HS6ST3: variants seen among roughly 807,000 people sequenced by gnomAD.
HS6ST3 encodes the protein heparan sulfate 6-O-sulfotransferase 3.
A neutral mutation model predicts 36.7 loss-of-function variants in HS6ST3; 12 were observed. That is an observed-to-expected ratio of 0.33 (90% CI 0.21 to 0.53). The LOEUF is 0.53. Among genes scored for constraint, HS6ST3 ranks in the 20% least tolerant of loss-of-function variants. HS6ST3 has a pLI of 0.95. For synonymous variants in HS6ST3, 240 were observed against 257.5 expected, an observed-to-expected ratio of 0.93 and a Z score of 0.65; for missense variants, 584 against 640.9, an observed-to-expected ratio of 0.91 and a Z score of 0.96.
At chr13:96,153,738 A>G (rs1425860390) in intron 1 of HS6ST3, among the ~76,000 whole-genome samples, 1 of 152,260 alleles carries the variant, frequency 6.6e-6, no homozygotes, top group Non-Finnish European at 1.5e-5. Context: ...TAAATTACAT[A>G]GGCTAAACTT....
At chr13:96,395,536 A>G (rs1566348446) in intron 1 of HS6ST3, among the ~76,000 whole-genome samples, 1 of 152,166 alleles carries the variant, frequency 6.6e-6, no homozygotes, top group South Asian at 2.1e-4. Flanking sequence ...GCCTACCAGC[A>G]CATTCAGAGA....
chr13:96,580,204 A>G (rs1297781923), intron 1 of HS6ST3, among the ~76,000 whole-genome samples: 1 of 22,580 alleles, frequency 4.4e-5, no homozygotes, highest in African/African-American at 2.1e-4. Context: ...ATATATATAT[A>G]TATATATATA....
intron 1 of HS6ST3, among the ~76,000 whole-genome samples, chr13:96,752,162 G>A (rs550164131): frequency 4.6e-5 from 7 of 151,808 alleles, no homozygotes; most frequent in Admixed American, 2.0e-4. Context: ...ATCACAATCC[G>A]TGTAGTCATT....
intron 1 of HS6ST3, among the ~76,000 whole-genome samples, chr13:96,234,016 T>C (rs1157349875): frequency 6.6e-6 from 1 of 151,616 alleles, no homozygotes; most frequent in African/African-American, 2.4e-5. Context: ...GGACACACCA[T>C]AGCACATCAA....
At chr13:96,585,037 C>T (rs2056355489) in intron 1 of HS6ST3, among the ~76,000 whole-genome samples, 1 of 152,138 alleles carries the variant, frequency 6.6e-6, no homozygotes, top group African/African-American at 2.4e-5. Flanking sequence ...AGTGGGGTAA[C>T]TGTATCAATG....
chr13:96,604,108 A>G (rs1167081610), intron 1 of HS6ST3, among the ~76,000 whole-genome samples: 1 of 152,176 alleles, frequency 6.6e-6, no homozygotes, highest in Admixed American at 6.5e-5. Flanking sequence ...ATATAGGAGC[A>G]GTTCTGGCTG....
chr13:96,835,339 T>C lies in HS6ST3; in HGVS notation c.*2141T>C, dbSNP rs1009010293. ...ATGAGCTGAGAGATCAATGACTTTT[T>C]AGGCAGCTGTGTTTTTTAAGCCATA... On this transcript the variant is annotated 3_prime_UTR_variant, in exon 2 of 2. Transcript: ENST00000376705. 2 of 152,246 alleles carry C rather than the reference T, an allele frequency of 1.3e-5. No homozygotes were observed. The highest frequency in any genetic ancestry group is 4.8e-5 in the African/African-American group (2 of 41,426). The allele number at this position is 152,246 out of a possible 1,614,324, so 9.4% of individuals were successfully genotyped here. A position where few individuals can be genotyped will look rare whatever the true frequency, so the allele number is the denominator to read the frequency against.
At chr13:96,529,694 G>T (rs965526171) in intron 1 of HS6ST3, among the ~76,000 whole-genome samples, 3 of 151,968 alleles carry the variant, frequency 2.0e-5, no homozygotes, top group Non-Finnish European at 4.4e-5. Context: ...ATTCATTTAT[G>T]ATTTTTGCTT....
chr13:96,187,450 A>G (rs2054269840), intron 1 of HS6ST3, among the ~76,000 whole-genome samples: 2 of 152,212 alleles, frequency 1.3e-5, no homozygotes, highest in South Asian at 2.1e-4. Flanking sequence ...GACTTAGAAT[A>G]TGAAGCAGTT....
chr13:96,724,985 A>G (rs1337033907), intron 1 of HS6ST3, among the ~76,000 whole-genome samples: 1 of 152,206 alleles, frequency 6.6e-6, no homozygotes, highest in Non-Finnish European at 1.5e-5. Flanking sequence ...TATTCCAACC[A>G]GCAGCATATG....
At chr13:96,324,187 T>G (rs911227747) in intron 1 of HS6ST3, among the ~76,000 whole-genome samples, 1 of 152,176 alleles carries the variant, frequency 6.6e-6, no homozygotes, top group Non-Finnish European at 1.5e-5. Flanking sequence ...TACAGAAAAC[T>G]CCTTTAAACA....
intron 1 of HS6ST3, among the ~76,000 whole-genome samples, chr13:96,814,347 A>C (rs1321062810): frequency 6.6e-6 from 1 of 152,200 alleles, no homozygotes; most frequent in Non-Finnish European, 1.5e-5. Context: ...CAAAAATTTG[A>C]AGCTACTGAT....
At chr13:96,222,040 G>T (rs957358259) in intron 1 of HS6ST3, among the ~76,000 whole-genome samples, 2 of 152,164 alleles carry the variant, frequency 1.3e-5, no homozygotes, top group African/African-American at 4.8e-5. Context: ...TTTAAAAAGT[G>T]TTCCAATTTT....
intron 1 of HS6ST3, among the ~76,000 whole-genome samples, chr13:96,326,481 T>C (rs1047052863): frequency 3.3e-5 from 5 of 152,026 alleles, no homozygotes; most frequent in African/African-American, 1.2e-4. Context: ...CCCAGCTTCA[T>C]CCATGTCCCT....
At chr13:96,470,653 AT>A (rs1241476554) in intron 1 of HS6ST3, among the ~76,000 whole-genome samples, 1 of 152,014 alleles carries the variant, frequency 6.6e-6, no homozygotes, top group Non-Finnish European at 1.5e-5. Context: ...GTCTACGTTT[AT>A]TTCTGTTTTC....
chr13:96,744,830 T>C (rs573158536), intron 1 of HS6ST3, among the ~76,000 whole-genome samples: 2 of 152,176 alleles, frequency 1.3e-5, no homozygotes, highest in African/African-American at 4.8e-5. Context: ...AATTTTAAAA[T>C]GGGCAAAGAG....
At chr13:96,365,698 T>C (rs1002753887) in intron 1 of HS6ST3, among the ~76,000 whole-genome samples, 2 of 152,164 alleles carry the variant, frequency 1.3e-5, no homozygotes, top group Non-Finnish European at 2.9e-5. Context: ...ACTATCTAAA[T>C]AGAAAGATTA....
At chr13:96,242,883 C>G (rs544854492) in intron 1 of HS6ST3, among the ~76,000 whole-genome samples, 1 of 152,254 alleles carries the variant, frequency 6.6e-6, no homozygotes, top group East Asian at 1.9e-4. Flanking sequence ...ATCGGCACTC[C>G]CATATTCATT....
At chr13:96,456,410 A>G (rs752738742) in intron 1 of HS6ST3, among the ~76,000 whole-genome samples, 10 of 152,208 alleles carry the variant, frequency 6.6e-5, no homozygotes, top group Non-Finnish European at 1.0e-4. Flanking sequence ...TTGAATATCC[A>G]GTAGCCCTCT....
Sources: gnomAD v4.1 joint callset for allele counts (sites outside exome capture counted in the v4.1 genomes callset) on GRCh38, gnomAD v4.1.1 for gene constraint, MANE v1.5 for transcripts, NCBI Gene and HGNC (gene_info 2026-07-23, HGNC 2026-07-21) for gene names.